Variants in LCT observed in about 807,000 individuals in gnomAD.
LCT encodes lactase.
LCT carries 90 observed loss-of-function variants against 173.0 expected under a neutral mutation model. The observed-to-expected ratio is 0.52, with a 90% CI of 0.44 to 0.62. LCT has a LOEUF of 0.62. Among genes scored for constraint, LCT ranks in the 20% least tolerant of loss-of-function variants. LCT has a pLI of 0.00. For missense variants in LCT, 1,864 were observed against 2,431.4 expected (o/e 0.77, Z 4.91); for synonymous variants, 853 against 957.6 (o/e 0.89, Z 2.02).
In LCT at chr2:135,808,705, C is replaced by A. The variant is rs2105533106; in HGVS notation, c.3642G>T (p.Val1214=). 4 of 1,614,194 alleles carry A rather than the reference C, an allele frequency of 2.5e-6. No individual in the cohort carries two copies. Among genetic ancestry groups the A allele is most frequent in the Non-Finnish European group, 3.4e-6 (4 of 1,180,040 alleles). The change falls in exon 8 of 17, where the codon GTG becomes GTT. Residue 1214 remains valine, a synonymous_variant. Transcript: ENST00000264162. ...FCLNTYYSRI[V]QHKTPRLNPP... is the part of the protein sequence containing the mutation. ...GGTTTAGCCTGGGTGTTTTGTGCTGCACGATTCTGGAGTAGTACGTGTTGA... is the reference window on the plus strand; with the variant it reads ...GGTTTAGCCTGGGTGTTTTGTGCTGAACGATTCTGGAGTAGTACGTGTTGA...
At position 135,829,647 on chromosome 2, in the gene LCT, CA is replaced by C. The variant is rs1229646840; in HGVS notation, c.749del (p.Leu250CysfsTer15). 6.2e-7 allele frequency: 1 copy of C among 1,605,334 alleles called. No individual in the cohort carries two copies. Among genetic ancestry groups the C allele is most frequent in the African/African-American group, 1.3e-5 (1 of 74,774 alleles). ...QDTVDFLSLD[L>X]SYECQNEASL... ...TTGCCTCATTTTGGCATTCATAAGACAAATCAAGAGAGAGGAAATCGACCGT... is the reference window on the plus strand; with the variant it reads ...TTGCCTCATTTTGGCATTCATAAGACAATCAAGAGAGAGGAAATCGACCGT... On this transcript the variant is annotated frameshift_variant, in exon 3 of 17. Coordinates refer to ENST00000264162, the MANE Select transcript of LCT (RefSeq NM_002299.4). LOFTEE classifies it high-confidence loss of function.
At chr2:135,805,476 A>G (rs1037643946) in intron 9 of LCT, among the ~76,000 whole-genome samples, 1 of 151,990 alleles carries the variant, frequency 6.6e-6, no homozygotes, top group Non-Finnish European at 1.5e-5. Flanking sequence ...CAGGCAAGTC[A>G]CTCTTGCCTT....
chr2:135,809,760 G>C lies in LCT; in HGVS notation c.2587C>G (p.Leu863Val). The change falls in exon 8 of 17, where the codon CTC becomes GTC. Residue 863 changes from leucine to valine, a missense_variant. Leu to Val is a conservative substitution (Grantham distance 32, BLOSUM62 1). Coordinates refer to ENST00000264162, the MANE Select transcript of LCT (RefSeq NM_002299.4). The surrounding 1 kb of genome is among the most constrained non-coding windows in gnomAD (Gnocchi z 5.5). ...GTGAAGGCTCTGACTTTGGAGGGGAGGTTTACTGTATTAGGTGGTAGCAGT... is the reference window on the plus strand; with the variant it reads ...GTGAAGGCTCTGACTTTGGAGGGGACGTTTACTGTATTAGGTGGTAGCAGT... ...KRLLPPNTVN[L>V]PSKVRAFTFP... 1 of 1,614,164 alleles carries C rather than the reference G, an allele frequency of 6.2e-7. No individual in the cohort carries two copies. Among genetic ancestry groups the C allele is most frequent in the South Asian group, 1.1e-5 (1 of 91,082 alleles).
intron 4 of LCT, among the ~76,000 whole-genome samples, chr2:135,823,435 C>T (rs749851006): frequency 3.9e-5 from 6 of 152,162 alleles, no homozygotes; most frequent in Non-Finnish European, 7.3e-5. Context: ...GAGTCCTACA[C>T]TTGAAAGTTC....
chr2:135,807,449 C>T, intron 8 of LCT, 53 bp from the exon 9 acceptor site: 11 of 1,578,508 alleles, frequency 7.0e-6, no homozygotes, highest in Non-Finnish European at 9.6e-6. Flanking sequence ...GAGTCAGGAC[C>T]TCCATGCACC....
At chr2:135,823,533 G>A (rs2077855059) in intron 4 of LCT, among the ~76,000 whole-genome samples, 1 of 152,200 alleles carries the variant, frequency 6.6e-6, no homozygotes, top group South Asian at 2.1e-4. Flanking sequence ...AGGGCTGGCT[G>A]GAGAGAGACG....
At chr2:135,817,177 T>C (rs777783889) in intron 6 of LCT, among the ~76,000 whole-genome samples, 164 bp downstream of exon 6, 6 of 152,168 alleles carry the variant, frequency 3.9e-5, no homozygotes, top group Non-Finnish European at 5.9e-5. Context: ...GGCCAGGTGA[T>C]TAACAATTTA....
Position 135,807,276 on chromosome 2 carries a change from G to A in LCT, c.4025C>T (p.Thr1342Met), listed in dbSNP as rs751403594. The A allele has an allele frequency of 2.4e-5, 38 of 1,614,084 alleles. No homozygotes were observed. Among genetic ancestry groups the A allele is most frequent in the Middle Eastern group, 1.6e-4 (1 of 6,084 alleles). Reference sequence around the variant, plus strand: ...GGCTCTTGCTGTGCGAGGCCTGTTCGTGTTGTTGAAATCAACATGGTACAG... The same window carrying A: ...GGCTCTTGCTGTGCGAGGCCTGTTCATGTTGTTGAAATCAACATGGTACAG... ...FGLYHVDFNN[T>M]NRPRTARASA... The change falls in exon 9 of 17, where the codon ACG becomes ATG. Residue 1342 changes from threonine to methionine, a missense_variant. By Grantham distance (81) the Thr-to-Met change is moderately conservative. Coordinates refer to ENST00000264162, the MANE Select transcript of LCT (RefSeq NM_002299.4).
At chr2:135,815,760 C>A (rs2077775940) in intron 6 of LCT, among the ~76,000 whole-genome samples, 1 of 152,038 alleles carries the variant, frequency 6.6e-6, no homozygotes, top group African/African-American at 2.4e-5. Flanking sequence ...AGTGCAGTGG[C>A]ATAATCTCGG....
At chr2:135,797,964 G>A in intron 13 of LCT, 65 bp downstream of exon 13, 3 of 885,660 alleles carry the variant, frequency 3.4e-6, no homozygotes, top group Non-Finnish European at 5.8e-6. Context: ...ATGGTAACTT[G>A]CCCGAGACAT....
At chr2:135,804,379 C>T (rs943045913) in intron 10 of LCT, among the ~76,000 whole-genome samples, 3 of 152,154 alleles carry the variant, frequency 2.0e-5, no homozygotes, top group African/African-American at 7.2e-5. Flanking sequence ...AATTCACTGA[C>T]AATTAAAAAG....
intron 11 of LCT, among the ~76,000 whole-genome samples, chr2:135,803,510 G>GCAGC (rs2077644337): frequency 6.6e-6 from 1 of 152,218 alleles, no homozygotes; most frequent in Admixed American, 6.5e-5. Context: ...AAGACCATGA[G>GCAGC]CAGCCTCCTG....
At chr2:135,804,229 G>T in intron 10 of LCT, 101 bp from the exon 11 acceptor site, 1 of 916,318 alleles carries the variant, frequency 1.1e-6, no homozygotes, top group Non-Finnish European at 1.8e-6. Context: ...TCCTGAGAGT[G>T]ACTTATGAGA....
In LCT at chr2:135,812,315, G is replaced by T; in HGVS notation, c.2349C>A (p.Leu783=). 1 of 1,612,748 alleles carries T rather than the reference G, an allele frequency of 6.2e-7. No homozygotes were observed. ...DYFNQYINEV[L]KAIKEDSVDV... is the part of the protein sequence containing the mutation. ...TGGCACATCCATTGTTCTTACCCTT[G>T]AGCACCTCATTGATATATTGATTGA... The change falls in exon 7 of 17, where the codon CTC becomes CTA. Residue 783 remains leucine (L), a synonymous_variant. Transcript: ENST00000264162.
intron 5 of LCT, among the ~76,000 whole-genome samples, chr2:135,818,579 C>A (rs1276588279): frequency 6.6e-6 from 1 of 152,196 alleles, no homozygotes; most frequent in Non-Finnish European, 1.5e-5. Context: ...GTGGCTCATG[C>A]CTGTAATCCC....
Position 135,801,894 on chromosome 2 carries a change from G to A in LCT, c.4664-1085C>T, listed in dbSNP as rs745865857. On this transcript the variant is annotated intron_variant, in intron 11 of 16. Transcript: ENST00000264162. ...CGGCCTATGATTATTTTTGAGACAGGGTCATGCACTGTCATCCAGGCTGGA... is the reference window on the plus strand; with the variant it reads ...CGGCCTATGATTATTTTTGAGACAGAGTCATGCACTGTCATCCAGGCTGGA... 6.4e-4 allele frequency among the ~76,000 whole-genome samples: 97 copies of A among 152,012 alleles called. 1 individual carries two copies. Among genetic ancestry groups the A allele is most frequent in the Admixed American group, 3.3e-4 (5 of 15,254 alleles).
intron 13 of LCT, 50 bp downstream of exon 13, chr2:135,797,979 C>A: frequency 9.9e-7 from 1 of 1,013,718 alleles, no homozygotes; most frequent in Middle Eastern, 2.0e-4. Flanking sequence ...AGACATGCCT[C>A]TGTGACCCCG....
rs2077714043 is a variant in LCT, at chr2:135,809,486, T to A, written c.2861A>T (p.Asp954Val). 6.2e-7 allele frequency: 1 copy of A among 1,614,128 alleles called. No individual in the cohort carries two copies. Among genetic ancestry groups the A allele is most frequent in the African/African-American group, 1.3e-5 (1 of 74,942 alleles). Reference protein sequence around the residue: ...KDNATGDIACDSYHQLDADLN... With the variant: ...KDNATGDIACVSYHQLDADLN... ...ATCGGCATCCAGCTGGTGATAGCTG[T>A]CACAGGCGATGTCTCCAGTGGCATT... Residue 954 changes from aspartate to valine, a missense_variant, in exon 8 of 17, where the codon GAC becomes GTC. Asp to Val is a radical substitution (Grantham distance 152, BLOSUM62 -3). Around this residue, in one of 4 missense-constraint regions of LCT, gnomAD observed 755 missense variants for 926.3 expected, o/e 0.82. Coordinates refer to ENST00000264162, the MANE Select transcript of LCT (RefSeq NM_002299.4). This position sits in a 1 kb window ranked among gnomAD's most constrained non-coding sequence, Gnocchi z 5.5.
chr2:135,795,269 G>A (rs538257758), intron 13 of LCT, among the ~76,000 whole-genome samples: 1 of 151,770 alleles, frequency 6.6e-6, no homozygotes, highest in South Asian at 2.1e-4. Context: ...GTGCAGTGGC[G>A]CGATCTCAGC....
Sources: gnomAD v4.1 joint callset for allele counts (sites outside exome capture counted in the v4.1 genomes callset) on GRCh38, gnomAD v4.1.1 for gene constraint, gnomAD v4.1.1 regional missense constraint, Gnocchi (gnomAD v3.1) non-coding constraint, MANE v1.5 for transcripts, NCBI Gene and HGNC (gene_info 2026-07-23, HGNC 2026-07-21) for gene names.